Variants in ITGA1 observed in about 807,000 individuals in gnomAD.
The protein encoded by ITGA1 is integrin subunit alpha 1.
ITGA1 carries 85 observed loss-of-function variants against 145.9 expected under a neutral mutation model. That is an observed-to-expected ratio of 0.58 (90% confidence interval 0.49 to 0.70). The LOEUF is 0.70. ITGA1 is among the 30% of genes least tolerant of loss of function. The probability of loss-of-function intolerance (pLI) is 0.00; values close to 1 mark genes in which losing one functional copy is unlikely to be tolerated. For missense variants in ITGA1, 1,351 were observed against 1,418.7 expected (o/e 0.95, Z 0.77); for synonymous variants, 520 against 495.3 (o/e 1.05, Z -0.66).
At chr5:52,798,737 G>A (rs1748395109) in intron 1 of ITGA1, among the ~76,000 whole-genome samples, 1 of 152,184 alleles carries the variant, frequency 6.6e-6, no homozygotes, top group Non-Finnish European at 1.5e-5. Context: ...TTTGTGTCAG[G>A]AGGGCAGAGG....
chr5:52,810,034 T>C (rs1487344978), intron 1 of ITGA1, among the ~76,000 whole-genome samples: 1 of 75,740 alleles, frequency 1.3e-5, no homozygotes, highest in Non-Finnish European at 2.6e-5. Context: ...AGTATCCATG[T>C]TTTTGTTGTC....
chr5:52,838,836 C>T (rs2111734758), intron 1 of ITGA1, among the ~76,000 whole-genome samples: 1 of 152,284 alleles, frequency 6.6e-6, no homozygotes, highest in Admixed American at 6.5e-5. Context: ...GTGACTCACG[C>T]CTGTAATCCC....
chr5:52,827,519 T>A (rs897023487), intron 1 of ITGA1, among the ~76,000 whole-genome samples: 1 of 152,180 alleles, frequency 6.6e-6, no homozygotes, highest in Non-Finnish European at 1.5e-5. Flanking sequence ...GTGGGTAAAG[T>A]GTGATACAAA....
In ITGA1 at chr5:52,793,288, T is replaced by C. The variant is rs7724871; in HGVS notation, c.61+4874T>C. ...TTTAATTGAATGAATCGCAAAAGAA[T>C]TGACTATTGACAAACTCAGAAAATA... is the stretch of plus-strand genomic sequence containing the variant. On this transcript the variant is annotated intron_variant, in intron 1 of 28. Transcript: ENST00000282588. 2.0e-3 allele frequency among the ~76,000 whole-genome samples: 297 copies of C among 152,202 alleles called. 2 individuals carry two copies. The highest frequency in any genetic ancestry group is 6.9e-3 in the African/African-American group (285 of 41,556).
chr5:52,842,723 T>A (rs1749275039), intron 1 of ITGA1, among the ~76,000 whole-genome samples: 2 of 149,378 alleles, frequency 1.3e-5, no homozygotes, highest in South Asian at 4.3e-4. Context: ...TCTCACTCTG[T>A]CACCCAGGCT....
At chr5:52,803,126 G>A (rs1449482477) in intron 1 of ITGA1, 1 of 152,152 alleles carries the variant, frequency 6.6e-6, no homozygotes, top group Non-Finnish European at 1.5e-5. Context: ...ACTTTCGCCG[G>A]TCTTTCCTGT....
chr5:52,866,245 G>T (rs979700719), intron 6 of ITGA1, among the ~76,000 whole-genome samples: 1 of 152,074 alleles, frequency 6.6e-6, no homozygotes, highest in African/African-American at 2.4e-5. Context: ...CAAACTCCTA[G>T]CCTCTGGTTG....
rs565665905 is a variant in ITGA1 at position 52,864,499 on chromosome 5, T to G, written c.296-264T>G. Reference sequence around the variant, plus strand: ...ATTAGCAAGAACGTGCAAAAAGCAATCCCACATTCTCATTGCCCTGCTAGT... The same window carrying G: ...ATTAGCAAGAACGTGCAAAAAGCAAGCCCACATTCTCATTGCCCTGCTAGT... On this transcript the variant is annotated intron_variant, in intron 3 of 28. Coordinates refer to ENST00000282588, the MANE Select transcript of ITGA1 (RefSeq NM_181501.2). 4.6e-5 allele frequency among the ~76,000 whole-genome samples: 7 copies of G among 152,312 alleles called. No homozygotes were observed. In the East Asian group the frequency reaches 1.2e-3, roughly 25 times the overall value.
At chr5:52,797,397 T>C (rs1455682597) in intron 1 of ITGA1, among the ~76,000 whole-genome samples, 2 of 152,046 alleles carry the variant, frequency 1.3e-5, no homozygotes, top group Admixed American at 6.5e-5. Flanking sequence ...AATATATGTA[T>C]ATTTTTCTAA....
intron 1 of ITGA1, among the ~76,000 whole-genome samples, chr5:52,789,250 G>C (rs1352296557): frequency 6.6e-6 from 1 of 152,082 alleles, no homozygotes; most frequent in Non-Finnish European, 1.5e-5. Context: ...GTGAAAAATG[G>C]AAGAAGGTGG....
intron 20 of ITGA1, among the ~76,000 whole-genome samples, chr5:52,928,448 G>A (rs1301644593): frequency 6.6e-6 from 1 of 152,174 alleles, no homozygotes; most frequent in African/African-American, 2.4e-5. Context: ...GTAGCATGGA[G>A]TTCACTCGTT....
intron 6 of ITGA1, among the ~76,000 whole-genome samples, chr5:52,877,567 C>G (rs1749887186): frequency 6.6e-6 from 1 of 152,192 alleles, no homozygotes; most frequent in South Asian, 2.1e-4. Flanking sequence ...GTTATTACTC[C>G]TTCCCTAGAA....
chr5:52,841,897 C>CAA (rs112606687), intron 1 of ITGA1, among the ~76,000 whole-genome samples: 4,448 of 152,138 alleles, frequency 0.029, 207 homozygotes, highest in African/African-American at 0.098. Flanking sequence ...GAGGCTTTGG[C>CAA]AAGAGGTAAG....
At chr5:52,795,230 G>GT (rs1748318342) in intron 1 of ITGA1, among the ~76,000 whole-genome samples, 1 of 151,908 alleles carries the variant, frequency 6.6e-6, no homozygotes, top group South Asian at 2.1e-4. Flanking sequence ...ATAAAAGGTA[G>GT]TAAGTCTCTG....
rs754073794 is a variant in ITGA1 at position 52,937,494 on chromosome 5, A to G, written c.3058A>G (p.Thr1020Ala). 12 of 1,606,940 alleles carry G rather than the reference A, an allele frequency of 7.5e-6. No individual in the cohort carries two copies. The highest frequency in any genetic ancestry group is 1.7e-4 in the Middle Eastern group (1 of 6,052). ...AAATGGTTACCCTGTGCTGTACCCA[A>G]CTGGATTGTCATCTTCTGAGGTAAG... is the stretch of plus-strand genomic sequence containing the variant. ...TSNGYPVLYP[T>A]GLSSSENANC... The change falls in exon 24 of 29, where the codon ACT (threonine) becomes GCT (alanine). Residue 1020 changes from threonine to alanine, a missense_variant. Physicochemically the swap from Thr to Ala is moderately conservative, Grantham distance 58. Transcript: ENST00000282588.
chr5:52,954,541 T>G lies in ITGA1; in HGVS notation c.*2090T>G, dbSNP rs1322014329. 6.6e-6 allele frequency: 1 copy of G among 152,166 alleles called. No individual in the cohort carries two copies. Among genetic ancestry groups the G allele is most frequent in the Non-Finnish European group, 1.5e-5 (1 of 68,016 alleles). The allele number at this position is 152,166 out of a possible 1,614,324, so 9.4% of individuals were successfully genotyped here. On this transcript the variant is annotated 3_prime_UTR_variant, in exon 29 of 29. Transcript: ENST00000282588. ...TATAAGCCCGGCACAATTTTTAACA[T>G]AAGTCATTCCTGGCTATTAAGTAAA...
chr5:52,911,164 A>G (rs1750516118), intron 14 of ITGA1, among the ~76,000 whole-genome samples: 1 of 136,960 alleles, frequency 7.3e-6, no homozygotes, highest in African/African-American at 2.6e-5. Context: ...TATAGTGTAT[A>G]TAGAGTACAT....
intron 1 of ITGA1, among the ~76,000 whole-genome samples, chr5:52,837,468 CAT>C (rs1162509925): frequency 6.6e-6 from 1 of 152,120 alleles, no homozygotes; most frequent in Non-Finnish European, 1.5e-5. Context: ...CCTCTAAAAA[CAT>C]ATAAAGTTAA....
intron 6 of ITGA1, among the ~76,000 whole-genome samples, chr5:52,875,067 A>G (rs1749844208): frequency 6.6e-6 from 1 of 152,210 alleles, no homozygotes; most frequent in Non-Finnish European, 1.5e-5. Flanking sequence ...TCTAAATAGA[A>G]CAAGTAGGGA....
Sources: gnomAD v4.1 joint callset for allele counts (sites outside exome capture counted in the v4.1 genomes callset) on GRCh38, gnomAD v4.1.1 for gene constraint, MANE v1.5 for transcripts, NCBI Gene and HGNC (gene_info 2026-07-23, HGNC 2026-07-21) for gene names.